The following TMEM59 variants were observed in gnomAD, a reference collection of about 807,000 sequenced individuals.
TMEM59 encodes the protein transmembrane protein 59.
In TMEM59, 44 loss-of-function variants were observed where a neutral mutation model predicts 42.2. The observed-to-expected ratio is 1.04, with a 90% CI of 0.82 to 1.34. TMEM59 has a LOEUF of 1.34. Ranked by LOEUF, TMEM59 falls within the 40% of genes most tolerant of loss-of-function variation. The probability of loss-of-function intolerance (pLI) is 0.00; values close to 1 mark genes in which losing one functional copy is unlikely to be tolerated. For synonymous variants in TMEM59, 148 were observed against 145.8 expected (o/e 1.02, Z -0.11); for missense variants, 359 against 382.8 (o/e 0.94, Z 0.52).
chr1:54,032,165 A>G lies in TMEM59; in HGVS notation c.957T>C (p.Ala319=). The part of the protein sequence containing the change: ...AGPLPTKVNL[A]HSEI ...AGAAAAATGCTTAAATTTCAGAATG[A>G]GCAAGATTCACTTTTGTAGGTAGAG... The change falls in exon 8 of 8, where the codon GCT becomes GCC. Residue 319 remains alanine, a synonymous_variant. Coordinates refer to ENST00000234831, the MANE Select transcript of TMEM59 (RefSeq NM_004872.5). 1 of 1,609,328 alleles carries G rather than the reference A, an allele frequency of 6.2e-7. No individual in the cohort carries two copies. The highest frequency in any genetic ancestry group is 8.5e-7 in the Non-Finnish European group (1 of 1,177,964).
chr1:54,043,182 C>T (rs1657201655), intron 4 of TMEM59, among the ~76,000 whole-genome samples, 191 bp downstream of exon 4: 1 of 152,224 alleles, frequency 6.6e-6, no homozygotes, highest in South Asian at 2.1e-4. Context: ...TTAGATTAGG[C>T]TTCTAACGGG....
At chr1:54,041,669 A>G in intron 5 of TMEM59, 55 bp downstream of exon 5, 1 of 1,428,308 alleles carries the variant, frequency 7.0e-7, no homozygotes. Flanking sequence ...CAACTCTACT[A>G]CAACCAGATT....
intron 4 of TMEM59, among the ~76,000 whole-genome samples, chr1:54,043,166 T>C (rs923864373): frequency 6.6e-6 from 1 of 152,182 alleles, no homozygotes; most frequent in African/African-American, 2.4e-5. Context: ...TAAAAACTAA[T>C]GGGCTTTAGA....
At chr1:54,036,022 G>A (rs919558216) in intron 7 of TMEM59, among the ~76,000 whole-genome samples, 6 of 152,140 alleles carry the variant, frequency 3.9e-5, no homozygotes, top group African/African-American at 1.2e-4. Flanking sequence ...GGTGGCTCAC[G>A]CCTGTAATCC....
Position 54,040,327 on chromosome 1 carries a change from A to T in TMEM59, c.707+429T>A, listed in dbSNP as rs1199531626. On this transcript the variant is annotated intron_variant, in intron 6 of 7. Transcript: ENST00000234831. ...ACCACCACGCCCGGCTAATTTTTGTATTTTCAGTAGAGATGGGGTGTCGCC... is the reference window on the plus strand; with the variant it reads ...ACCACCACGCCCGGCTAATTTTTGTTTTTTCAGTAGAGATGGGGTGTCGCC... 4.0e-5 allele frequency among the ~76,000 whole-genome samples: 6 copies of T among 151,874 alleles called. No individual in the cohort carries two copies. The East Asian group carries it at 1.2e-3, about 29-fold the overall frequency.
At position 54,038,523 on chromosome 1, in the gene TMEM59, A is replaced by G. The variant is rs571456163; in HGVS notation, c.708-1805T>C. On this transcript the variant is annotated intron_variant, in intron 6 of 7. Transcript: ENST00000234831. ...GCCTGGCTCCTCAAAAAGAAATGCA[A>G]GTGAAGAAAGAGTGACCTCAATTTC... Among the ~76,000 whole-genome samples, 14 of 152,344 alleles carry G rather than the reference A, an allele frequency of 9.2e-5. No homozygotes were observed. The South Asian group carries it at 2.9e-3, about 32-fold the overall frequency.
At chr1:54,032,379 A>G (rs1429827970) in intron 7 of TMEM59, 74 bp from the exon 8 acceptor site, 2 of 1,299,212 alleles carry the variant, frequency 1.5e-6, no homozygotes, top group African/African-American at 3.0e-5. Flanking sequence ...TTAAATAACA[A>G]TTTAATTTAT....
At chr1:54,050,566 CTTTTTTT>C (rs1553168062) in intron 1 of TMEM59, among the ~76,000 whole-genome samples, 23 of 141,416 alleles carry the variant, frequency 1.6e-4, no homozygotes, top group Non-Finnish European at 3.1e-4. Flanking sequence ...AAATATGTTT[CTTTTTTT>C]TTTTTTTGAT....
In TMEM59 at chr1:54,039,504, T is replaced by C. The variant is rs193082882; in HGVS notation, c.707+1252A>G. 4.5e-4 allele frequency among the ~76,000 whole-genome samples: 69 copies of C among 152,358 alleles called. 1 individual carries two copies. The highest frequency in any genetic ancestry group is 3.2e-3 in the Admixed American group (49 of 15,310). On this transcript the variant is annotated intron_variant, in intron 6 of 7. Coordinates refer to ENST00000234831, the MANE Select transcript of TMEM59 (RefSeq NM_004872.5). ...GTTTAGAAATGAACGAAGGATAAAATTTAAAGTTTAATCCTTGTTTTCTCA... is the reference window on the plus strand; with the variant it reads ...GTTTAGAAATGAACGAAGGATAAAACTTAAAGTTTAATCCTTGTTTTCTCA...
In TMEM59 at chr1:54,027,242, C is replaced by T. The variant is rs1656628259; in HGVS notation, c.*4908G>A. ...TTATAGTAATTTTAGAACCACCATG[C>T]AGTCTTATTTTGTGTTAACAGAATA... On this transcript the variant is annotated 3_prime_UTR_variant, in exon 8 of 8. Coordinates refer to ENST00000234831, the MANE Select transcript of TMEM59 (RefSeq NM_004872.5). 1 of 152,188 alleles carries T rather than the reference C, an allele frequency of 6.6e-6. No individual in the cohort carries two copies. Among genetic ancestry groups the T allele is most frequent in the Non-Finnish European group, 1.5e-5 (1 of 68,038 alleles). 9.4% of individuals were successfully genotyped at this position (152,188 alleles called of 1,614,324 possible). A position where few individuals can be genotyped will look rare whatever the true frequency, so the allele number is the denominator to read the frequency against.
Position 54,052,997 on chromosome 1 carries a change from TACCTTAGG to T in TMEM59, c.184_189+2del. 6.2e-7 allele frequency: 1 copy of T among 1,610,460 alleles called. No individual in the cohort carries two copies. Among genetic ancestry groups the T allele is most frequent in the East Asian group, 2.2e-5 (1 of 44,714 alleles). ...GTCGCAGCCCGCTCCGGACGGGCCC[TACCTTAGG>T]GTAGGTGTGCAAGGGGTAGGTCAAC... On this transcript the variant is annotated splice_donor_variant and coding_sequence_variant, in exon 1 of 8. Transcript: ENST00000234831. LOFTEE classifies it high-confidence loss of function.
In TMEM59 at chr1:54,048,297, G is replaced by A. The variant is rs914721; in HGVS notation, c.190-925C>T. 6.1e-3 allele frequency among the ~76,000 whole-genome samples: 925 copies of A among 152,288 alleles called. 13 individuals are homozygous for A. The highest frequency in any genetic ancestry group is 0.021 in the African/African-American group (882 of 41,562). On this transcript the variant is annotated intron_variant, in intron 1 of 7. Coordinates refer to ENST00000234831, the MANE Select transcript of TMEM59 (RefSeq NM_004872.5). ...GCCAGACCTAGATCAAACCTTTTGG[G>A]TGAGTGCATAAGTTATTTTACCTGT... is the stretch of plus-strand genomic sequence containing the variant.
intron 1 of TMEM59, among the ~76,000 whole-genome samples, chr1:54,052,730 C>G (rs1299851949): frequency 6.6e-6 from 1 of 152,208 alleles, no homozygotes; most frequent in Non-Finnish European, 1.5e-5. Context: ...GACTCCCCTG[C>G]AGCCCGGCAA....
rs765082881 is a variant in TMEM59 at position 54,032,199 on chromosome 1, T to C, written c.923A>G (p.Glu308Gly). 57 of 1,613,286 alleles carry C rather than the reference T, an allele frequency of 3.5e-5. 2 individuals are homozygous for C. In the South Asian group the frequency reaches 6.3e-4, roughly 18 times the overall value. The change falls in exon 8 of 8, where the codon GAA (glutamate) becomes GGA (glycine). Residue 308 changes from glutamate (E) to glycine (G), a missense_variant. Glu to Gly is a moderately conservative substitution (Grantham distance 98). Coordinates refer to ENST00000234831, the MANE Select transcript of TMEM59 (RefSeq NM_004872.5). ...CACTTTTGTAGGTAGAGGCCCTGCT[T>C]CTTCATGATCTTCAGTTTTAGATCT... The part of the protein sequence containing the change: ...VVRSKTEDHE[E>G]AGPLPTKVNL...
intron 2 of TMEM59, 121 bp from the exon 3 acceptor site, chr1:54,045,907 T>C (rs1569961492): frequency 1.2e-6 from 1 of 818,008 alleles, no homozygotes; most frequent in African/African-American, 1.7e-5. Context: ...AATGTGAATT[T>C]CCAAATTTGG....
chr1:54,036,870 A>T (rs1656971531), intron 6 of TMEM59, 152 bp from the exon 7 acceptor site: 1 of 461,748 alleles, frequency 2.2e-6, no homozygotes, highest in Non-Finnish European at 3.9e-6. Context: ...TACAGAAGGA[A>T]ATATTATACT....
intron 1 of TMEM59, among the ~76,000 whole-genome samples, chr1:54,051,890 C>T (rs760996971): frequency 6.6e-6 from 1 of 152,008 alleles, no homozygotes; most frequent in Non-Finnish European, 1.5e-5. Context: ...AAAATCCAGC[C>T]GTAACAAAAT....
rs112235026 is a variant in TMEM59, at chr1:54,050,123, C to CT, written c.190-2752dup. On this transcript the variant is annotated intron_variant, in intron 1 of 7. Transcript: ENST00000234831. ...AGTTCTCAAAAAGTGTCTGAGATTT[C>CT]TTTTTTTTTTTTCTTTTTTTGAGAT... Among the ~76,000 whole-genome samples the CT allele has an allele frequency of 1.3e-3, 185 of 146,298 alleles. 1 individual carries two copies. Among genetic ancestry groups the CT allele is most frequent in the Middle Eastern group, 3.5e-3 (1 of 286 alleles).
chr1:54,044,502 TCA>T (rs1657259149), intron 3 of TMEM59: 1 of 150,190 alleles, frequency 6.7e-6, no homozygotes, highest in African/African-American at 2.5e-5. Flanking sequence ...GTTTCTTTTT[TCA>T]TCTGTTTTTT....
Sources: allele counts gnomAD v4.1 joint callset (sites outside exome capture counted in the v4.1 genomes callset), GRCh38; gene constraint gnomAD v4.1.1; transcripts MANE v1.5; gene names NCBI Gene and HGNC (gene_info 2026-07-23, HGNC 2026-07-21).